The following NFAT5 variants were observed in gnomAD, a reference collection of about 807,000 sequenced individuals.
The protein encoded by NFAT5 is nuclear factor of activated T-cells 5.
Under a neutral mutation model 166.5 loss-of-function variants are expected in NFAT5, and 31 were observed. The ratio of observed to expected loss-of-function variants is 0.19; its 90% CI spans 0.14 to 0.25. NFAT5 has a LOEUF of 0.25. NFAT5 is among the 10% of genes least tolerant of loss of function. The pLI, the probability that NFAT5 is intolerant of heterozygous loss-of-function variation, is 1.00. For missense variants in NFAT5, 1,449 were observed against 1,821.8 expected (o/e 0.80, Z 3.72); for synonymous variants, 612 against 639.7 (o/e 0.96, Z 0.65).
rs1206481680 is a variant in NFAT5, at chr16:69,612,067, A to G, written c.128-14336A>G. Among the ~76,000 whole-genome samples, 3 of 152,222 alleles carry G rather than the reference A, an allele frequency of 2.0e-5. No homozygotes were observed. The East Asian group carries it at 5.8e-4, about 29-fold the overall frequency. On this transcript the variant is annotated intron_variant, in intron 2 of 14. Coordinates refer to ENST00000349945, the MANE Select transcript of NFAT5 (RefSeq NM_138713.4). ...TTCTTCACCACTGATATATTCATTTATTACCTCTTATTTATTAGCAGTGTT... is the reference window on the plus strand; with the variant it reads ...TTCTTCACCACTGATATATTCATTTGTTACCTCTTATTTATTAGCAGTGTT...
At chr16:69,623,593 C>T (rs568904389) in intron 2 of NFAT5, among the ~76,000 whole-genome samples, 8 of 151,766 alleles carry the variant, frequency 5.3e-5, no homozygotes, top group South Asian at 2.1e-4. Context: ...CTGCAGCCTC[C>T]GCCTCCCAGG....
chr16:69,573,558 A>G (rs546796780), intron 2 of NFAT5, among the ~76,000 whole-genome samples: 2 of 152,292 alleles, frequency 1.3e-5, no homozygotes, highest in South Asian at 4.1e-4. Flanking sequence ...GAAATAATGA[A>G]GTTCAAACAT....
chr16:69,672,968 G>A (rs2036684193), intron 9 of NFAT5, among the ~76,000 whole-genome samples: 1 of 152,088 alleles, frequency 6.6e-6, no homozygotes, highest in African/African-American at 2.4e-5. Flanking sequence ...TTGCTATTTT[G>A]TATAGAACTT....
intron 2 of NFAT5, among the ~76,000 whole-genome samples, chr16:69,571,588 A>G (rs994458389): frequency 2.1e-4 from 32 of 152,000 alleles, no homozygotes; most frequent in African/African-American, 7.2e-4. Context: ...AGTAGTCTAG[A>G]TTTTCATCTA....
chr16:69,566,406 G>A lies in NFAT5; in HGVS notation c.73+32G>A. 6.7e-7 allele frequency: 1 copy of A among 1,495,866 alleles called. No homozygotes were observed. The highest frequency in any genetic ancestry group is 9.2e-7 in the Non-Finnish European group (1 of 1,092,674). 92.7% of individuals were successfully genotyped at this position (1,495,866 alleles called of 1,614,324 possible). A position where few individuals can be genotyped will look rare whatever the true frequency, so the allele number is the denominator to read the frequency against. On this transcript the variant is annotated intron_variant, in intron 1 of 14. Coordinates refer to ENST00000349945, the MANE Select transcript of NFAT5 (RefSeq NM_138713.4). This position sits in a 1 kb window ranked among gnomAD's most constrained non-coding sequence, Gnocchi z 5.7. ...CAGGCTGTGGGGGGTGGGGCGTGGG[G>A]GCGGGGAGACAGGGAGACAGGGAGA...
chr16:69,623,669 G>A (rs955981712), intron 2 of NFAT5, among the ~76,000 whole-genome samples: 8 of 151,812 alleles, frequency 5.3e-5, no homozygotes, highest in African/African-American at 1.7e-4. Context: ...CACCATGTCC[G>A]GCTAATTTTG....
chr16:69,622,205 G>T (rs1237521107), intron 2 of NFAT5, among the ~76,000 whole-genome samples: 8 of 152,112 alleles, frequency 5.3e-5, no homozygotes, highest in Admixed American at 5.2e-4. Flanking sequence ...TATCTTTGGG[G>T]TACTGGGGTA....
At chr16:69,678,238 G>A (rs898405909) in intron 10 of NFAT5, among the ~76,000 whole-genome samples, 2 of 151,276 alleles carry the variant, frequency 1.3e-5, no homozygotes, top group South Asian at 4.2e-4. Flanking sequence ...AGTGGGAGAC[G>A]GAGTCTCGCT....
At chr16:69,658,090 A>T (rs1369182296) in intron 6 of NFAT5, among the ~76,000 whole-genome samples, 3 of 151,460 alleles carry the variant, frequency 2.0e-5, no homozygotes, top group South Asian at 2.1e-4. Flanking sequence ...CTCAAAAAAA[A>T]AAAAATAAAT....
At chr16:69,567,402 T>G (rs894317855) in intron 1 of NFAT5, among the ~76,000 whole-genome samples, 2 of 152,154 alleles carry the variant, frequency 1.3e-5, no homozygotes, top group Non-Finnish European at 2.9e-5. Flanking sequence ...CTGCGCTCTT[T>G]ACGCTTTTTA....
chr16:69,671,475 A>G (rs957781664), intron 9 of NFAT5, among the ~76,000 whole-genome samples: 1 of 152,170 alleles, frequency 6.6e-6, no homozygotes, highest in African/African-American at 2.4e-5. Flanking sequence ...GGTTCAAGCA[A>G]TTCTCCTGTC....
chr16:69,670,026 T>C lies in NFAT5; in HGVS notation c.1419T>C (p.Cys473=). The C allele has an allele frequency of 6.2e-7, 1 of 1,612,918 alleles. No individual in the cohort carries two copies. Among genetic ancestry groups the C allele is most frequent in the South Asian group, 1.1e-5 (1 of 90,794 alleles). ...PEILKKSLHS[C]SVKGEEEVFL... ...TCTTAAAGAAAAGCTTGCATAGCTG[T>C]TCAGTGAAAGGAGAAGAAGAAGTGT... The change falls in exon 8 of 15, where the codon TGT becomes TGC. Residue 473 remains cysteine, a synonymous_variant. Transcript: ENST00000349945.
chr16:69,685,907 T>C (rs2037280034), intron 11 of NFAT5: 1 of 152,154 alleles, frequency 6.6e-6, no homozygotes, highest in African/African-American at 2.4e-5. Context: ...TAGCCAGGCA[T>C]GGTGGTGCAT....
intron 2 of NFAT5, among the ~76,000 whole-genome samples, chr16:69,590,369 T>C (rs1263320016): frequency 1.3e-5 from 2 of 152,182 alleles, no homozygotes; most frequent in Admixed American, 1.3e-4. Flanking sequence ...GTTTGGATAT[T>C]TAAAGTGCTA....
At chr16:69,613,653 G>A (rs1386058095) in intron 2 of NFAT5, among the ~76,000 whole-genome samples, 1 of 152,128 alleles carries the variant, frequency 6.6e-6, no homozygotes, top group Non-Finnish European at 1.5e-5. Context: ...GTTGACTTCT[G>A]GTGTTACATC....
chr16:69,660,698 G>T (rs2151647418), intron 7 of NFAT5, among the ~76,000 whole-genome samples: 1 of 152,192 alleles, frequency 6.6e-6, no homozygotes, highest in Non-Finnish European at 1.5e-5. Flanking sequence ...GTTTGTGTGT[G>T]TAAATTCAAT....
chr16:69,568,085 G>A (rs571139996), intron 1 of NFAT5, among the ~76,000 whole-genome samples: 1 of 152,298 alleles, frequency 6.6e-6, no homozygotes, highest in East Asian at 1.9e-4. Context: ...GGCCGAGGCA[G>A]TTGGATCACC....
At chr16:69,621,684 A>G (rs750328084) in intron 2 of NFAT5, among the ~76,000 whole-genome samples, 8 of 152,314 alleles carry the variant, frequency 5.3e-5, no homozygotes, top group South Asian at 4.1e-4. Flanking sequence ...TAAAGTACAT[A>G]TGGGCCAGGT....
At chr16:69,671,619 T>C (rs1460218822) in intron 9 of NFAT5, among the ~76,000 whole-genome samples, 1 of 152,232 alleles carries the variant, frequency 6.6e-6, no homozygotes, top group Non-Finnish European at 1.5e-5. Flanking sequence ...TCTGCCCGCC[T>C]TGGCCTCCCA....
Sources: allele counts gnomAD v4.1 joint callset (sites outside exome capture counted in the v4.1 genomes callset), GRCh38; gene constraint gnomAD v4.1.1; non-coding constraint Gnocchi (gnomAD v3.1); transcripts MANE v1.5; gene names NCBI Gene and HGNC (gene_info 2026-07-23, HGNC 2026-07-21).